The following CSTPP1 variants were observed in gnomAD, a reference collection of about 807,000 sequenced individuals.
CSTPP1 encodes the protein UPF0705 protein C11orf49.
At chr11:47,152,587 G>T in the CSTPP1 span, among the ~76,000 whole-genome samples, 1 of 152,242 alleles carries the variant, frequency 6.6e-6, no homozygotes, top group Non-Finnish European at 1.5e-5. Flanking sequence ...GCAGGCTCTG[G>T]AATGGGCCTA....
the CSTPP1 span, among the ~76,000 whole-genome samples, chr11:47,095,692 AC>A: frequency 6.6e-6 from 1 of 152,178 alleles, no homozygotes; most frequent in East Asian, 1.9e-4. Flanking sequence ...GCCTGGTATC[AC>A]CTCTAACAAG....
the CSTPP1 span, chr11:47,130,697 G>A: frequency 6.6e-6 from 1 of 152,250 alleles, no homozygotes; most frequent in Admixed American, 6.5e-5. Context: ...GTAGCACTGA[G>A]AAGTATTTAC....
At chr11:47,026,427 G>T in the CSTPP1 span, among the ~76,000 whole-genome samples, 1 of 152,026 alleles carries the variant, frequency 6.6e-6, no homozygotes, top group South Asian at 2.1e-4. Context: ...AGAGATTTAC[G>T]GTAATTGTTG....
chr11:47,012,997 A>G, the CSTPP1 span, among the ~76,000 whole-genome samples: 3 of 87,056 alleles, frequency 3.4e-5, no homozygotes, highest in Non-Finnish European at 5.6e-5. Flanking sequence ...CAGAATGGTT[A>G]TATATATATT....
At chr11:47,072,424 C>T in the CSTPP1 span, among the ~76,000 whole-genome samples, 3 of 152,174 alleles carry the variant, frequency 2.0e-5, no homozygotes, top group Non-Finnish European at 4.4e-5. Context: ...AATTATATAA[C>T]GTAGGCTTTA....
chr11:46,994,244 C>T, the CSTPP1 span, among the ~76,000 whole-genome samples: 1 of 152,182 alleles, frequency 6.6e-6, no homozygotes, highest in African/African-American at 2.4e-5. Flanking sequence ...TTGACTTCCT[C>T]TTTTCCTAAT....
At chr11:47,153,028 C>T in the CSTPP1 span, among the ~76,000 whole-genome samples, 1 of 152,192 alleles carries the variant, frequency 6.6e-6, no homozygotes, top group Non-Finnish European at 1.5e-5. Context: ...GCTCCCTGAG[C>T]GCTCCCGGGG....
At chr11:47,063,043 G>T in the CSTPP1 span, among the ~76,000 whole-genome samples, 1 of 152,138 alleles carries the variant, frequency 6.6e-6, no homozygotes, top group Non-Finnish European at 1.5e-5. Flanking sequence ...CATTGCTAGA[G>T]CTTCTTGGTC....
At chr11:47,043,983 TTTTA>T in the CSTPP1 span, among the ~76,000 whole-genome samples, 1 of 152,238 alleles carries the variant, frequency 6.6e-6, no homozygotes, top group Non-Finnish European at 1.5e-5. Flanking sequence ...GTAGGTTTAT[TTTTA>T]TTTATTTATT....
the CSTPP1 span, among the ~76,000 whole-genome samples, chr11:47,027,057 G>A: frequency 6.6e-6 from 1 of 152,150 alleles, no homozygotes; most frequent in Admixed American, 6.5e-5. Context: ...TAAAGAGTAT[G>A]TATGTGTGCA....
the CSTPP1 span, among the ~76,000 whole-genome samples, chr11:47,060,794 A>G: frequency 6.6e-6 from 1 of 152,156 alleles, no homozygotes; most frequent in African/African-American, 2.4e-5. Flanking sequence ...CCAAAACCCT[A>G]TGAAAATAAA....
chr11:47,034,691 G>T, the CSTPP1 span, among the ~76,000 whole-genome samples: 1 of 151,940 alleles, frequency 6.6e-6, no homozygotes, highest in African/African-American at 2.4e-5. Flanking sequence ...TAGAGATGGG[G>T]TTTTTCCATG....
the CSTPP1 span, among the ~76,000 whole-genome samples, chr11:47,003,348 G>T: frequency 6.6e-6 from 1 of 152,170 alleles, no homozygotes; most frequent in Admixed American, 6.5e-5. Context: ...ATGAGCTGGC[G>T]TGGGGGTGGA....
the CSTPP1 span, among the ~76,000 whole-genome samples, chr11:46,995,969 G>T: frequency 6.6e-6 from 1 of 152,058 alleles, no homozygotes; most frequent in South Asian, 2.1e-4. Context: ...TCCTGTATTG[G>T]GTGCGTATAT....
chr11:47,002,010 G>A, the CSTPP1 span, among the ~76,000 whole-genome samples: 2 of 152,168 alleles, frequency 1.3e-5, no homozygotes, highest in Admixed American at 1.3e-4. Context: ...AAAATGTGGT[G>A]TGGTAAAGTA....
the CSTPP1 span, among the ~76,000 whole-genome samples, chr11:47,046,571 G>A: frequency 6.6e-6 from 1 of 151,484 alleles, no homozygotes; most frequent in Non-Finnish European, 1.5e-5. Flanking sequence ...ACATGGATAG[G>A]ATGATGTAAC....
chr11:47,022,332 A>C, the CSTPP1 span, among the ~76,000 whole-genome samples: 2 of 62,340 alleles, frequency 3.2e-5, no homozygotes, highest in African/African-American at 6.2e-5. Context: ...TCTTCATACT[A>C]TTTTCTTTCA....
chr11:47,075,721 C>G, the CSTPP1 span, among the ~76,000 whole-genome samples: 1 of 151,846 alleles, frequency 6.6e-6, no homozygotes. Context: ...GAGCTTGCGA[C>G]CAGCCTGGCC....
chr11:47,080,026 G>C, the CSTPP1 span, among the ~76,000 whole-genome samples: 1 of 152,128 alleles, frequency 6.6e-6, no homozygotes, highest in Non-Finnish European at 1.5e-5. Flanking sequence ...GAACCCGGAG[G>C]CAAAGGTTGC....
Sources: gnomAD v4.1 joint callset for allele counts (sites outside exome capture counted in the v4.1 genomes callset) on GRCh38, gnomAD v4.1.1 for gene constraint, MANE v1.5 for transcripts, NCBI Gene and HGNC (gene_info 2026-07-23, HGNC 2026-07-21) for gene names.